The following KIF5A variants were observed in gnomAD, a reference collection of about 807,000 sequenced individuals.
The protein encoded by KIF5A is kinesin family member 5A.
Under a neutral mutation model 141.3 loss-of-function variants are expected in KIF5A, and 35 were observed. The ratio of observed to expected loss-of-function variants is 0.25; its 90% confidence interval spans 0.19 to 0.33. The LOEUF (loss-of-function observed/expected upper bound fraction) is 0.33, where lower values mean the gene tolerates loss of function less well. KIF5A is among the 10% of genes least tolerant of loss of function. The pLI is 1.00. For synonymous variants in KIF5A, 448 were observed against 500.2 expected, an observed-to-expected ratio of 0.90 and a Z score of 1.39; for missense variants, 861 against 1,314.3, an observed-to-expected ratio of 0.66 and a Z score of 5.33.
At chr12:57,554,120 G>A (rs1422226476) in intron 1 of KIF5A, among the ~76,000 whole-genome samples, 2 of 140,490 alleles carry the variant, frequency 1.4e-5, no homozygotes, top group Non-Finnish European at 1.6e-5. Flanking sequence ...GGAAGAAAAA[G>A]CCTTGATAAG....
chr12:57,555,151 A>G (rs1201364381), intron 1 of KIF5A, among the ~76,000 whole-genome samples: 5 of 152,100 alleles, frequency 3.3e-5, no homozygotes, highest in African/African-American at 4.8e-5. Flanking sequence ...TTTGCTAACT[A>G]TCTATATACT....
At chr12:57,554,945 G>C (rs369573129) in intron 1 of KIF5A, among the ~76,000 whole-genome samples, 24 of 152,264 alleles carry the variant, frequency 1.6e-4, no homozygotes, top group African/African-American at 5.1e-4. Context: ...TCCAACAATG[G>C]GGATCAAATG....
intron 1 of KIF5A, among the ~76,000 whole-genome samples, chr12:57,551,992 T>C (rs1363029849): frequency 6.6e-6 from 1 of 152,018 alleles, no homozygotes; most frequent in African/African-American, 2.4e-5. Flanking sequence ...TCAGTCTGGC[T>C]GGGCTAAAAA....
In KIF5A at chr12:57,567,491, C is replaced by G; in HGVS notation, c.590-3C>G. ...AGGTCCTGTTTCTCCCTTGCTCCTG[C>G]AGACATGAATGAACACAGCTCTCGG... On this transcript the variant is annotated splice_region_variant and splice_polypyrimidine_tract_variant and intron_variant, in intron 7 of 28. Coordinates refer to ENST00000455537, the MANE Select transcript of KIF5A (RefSeq NM_004984.4). 1.2e-6 allele frequency: 2 copies of G among 1,612,872 alleles called. No individual in the cohort carries two copies.
chr12:57,562,902 G>T (rs1436413319), intron 1 of KIF5A, among the ~76,000 whole-genome samples: 1 of 151,956 alleles, frequency 6.6e-6, no homozygotes, highest in Non-Finnish European at 1.5e-5. Flanking sequence ...CCACGACTAA[G>T]ATCCCCTAAC....
chr12:57,561,733 T>C (rs1344524186), intron 1 of KIF5A, among the ~76,000 whole-genome samples: 3 of 152,218 alleles, frequency 2.0e-5, no homozygotes, highest in African/African-American at 4.8e-5. Flanking sequence ...CCATGCAGGA[T>C]ACAAAATGAA....
At chr12:57,560,203 T>C (rs771202126) in intron 1 of KIF5A, among the ~76,000 whole-genome samples, 5 of 152,206 alleles carry the variant, frequency 3.3e-5, no homozygotes, top group Non-Finnish European at 5.9e-5. Flanking sequence ...GTTATGGCAT[T>C]ATTTTAAATA....
intron 24 of KIF5A, 93 bp from the exon 25 acceptor site, chr12:57,581,322 G>A: frequency 1.3e-6 from 2 of 1,568,392 alleles, no homozygotes; most frequent in East Asian, 2.2e-5. Flanking sequence ...TATGTTACAA[G>A]CAACTCAGTT....
chr12:57,570,098 C>A lies in KIF5A; in HGVS notation c.1229C>A (p.Ala410Glu). 1 of 1,614,154 alleles carries A rather than the reference C, an allele frequency of 6.2e-7. No individual in the cohort carries two copies. Among genetic ancestry groups the A allele is most frequent in the Non-Finnish European group, 8.5e-7 (1 of 1,180,022 alleles). The change falls in exon 12 of 29, where the codon GCG becomes GAG. Residue 410 changes from alanine (A) to glutamate (E), a missense_variant. Coordinates refer to ENST00000455537, the MANE Select transcript of KIF5A (RefSeq NM_004984.4). ...NDNSSIVVRIAPEERQKYEEE... is the reference protein window; with the variant it reads ...NDNSSIVVRIEPEERQKYEEE... ...AACTCATCCATCGTGGTGCGCATCG[C>A]GCCCGAGGAGCGGCAGAAATACGAG...
chr12:57,574,930 C>T (rs1008934703), intron 15 of KIF5A, among the ~76,000 whole-genome samples, 154 bp from the exon 16 acceptor site: 7 of 152,062 alleles, frequency 4.6e-5, no homozygotes, highest in African/African-American at 9.7e-5. Context: ...TGTGAAATGC[C>T]GCTGATAGAG....
chr12:57,569,226 T>C lies in KIF5A; in HGVS notation c.820-30T>C, dbSNP rs1324777730. 4 of 1,613,322 alleles carry C rather than the reference T, an allele frequency of 2.5e-6. No homozygotes were observed. In the African/African-American group the frequency reaches 5.3e-5, roughly 22 times the overall value. ...TCCCTGTTGAATTTTATTTGTTTATTTCTGATTCCTGGTCTCCTTCCTCCC... is the reference window on the plus strand; with the variant it reads ...TCCCTGTTGAATTTTATTTGTTTATCTCTGATTCCTGGTCTCCTTCCTCCC... On this transcript the variant is annotated intron_variant, in intron 9 of 28. Coordinates refer to ENST00000455537, the MANE Select transcript of KIF5A (RefSeq NM_004984.4).
chr12:57,577,686 C>T, intron 20 of KIF5A, 27 bp from the exon 21 acceptor site: 1 of 1,587,286 alleles, frequency 6.3e-7, no homozygotes, highest in Non-Finnish European at 8.7e-7. Context: ...AGGGATCTTT[C>T]CATTTCCCTT....
intron 1 of KIF5A, among the ~76,000 whole-genome samples, chr12:57,556,469 A>G (rs1315926576): frequency 1.3e-5 from 2 of 151,846 alleles, no homozygotes; most frequent in Non-Finnish European, 2.9e-5. Context: ...CTCAGATCTG[A>G]GAATCTCTTC....
chr12:57,550,065 C>T lies in KIF5A; in HGVS notation c.-207C>T, dbSNP rs1881517596. 1.6e-6 allele frequency: 1 copy of T among 608,246 alleles called. No homozygotes were observed. The highest frequency in any genetic ancestry group is 2.9e-6 in the Non-Finnish European group (1 of 344,722). The allele number at this position is 608,246 out of a possible 1,614,324, so 37.7% of individuals were successfully genotyped here. On this transcript the variant is annotated 5_prime_UTR_variant, in exon 1 of 29. The change creates a new upstream start codon in the 5' untranslated region. Coordinates refer to ENST00000455537, the MANE Select transcript of KIF5A (RefSeq NM_004984.4). The surrounding 1 kb of genome is among the most constrained non-coding windows in gnomAD (Gnocchi z 4.6). ...AGGCAGAGAGCCCGAAAGGACCAGA[C>T]GCCCAGGTCGCCCGCATCCCGCTGC...
intron 21 of KIF5A, 34 bp downstream of exon 21, chr12:57,577,807 A>T: frequency 6.4e-7 from 1 of 1,557,606 alleles, no homozygotes; most frequent in Non-Finnish European, 8.9e-7. Flanking sequence ...AATTCACAGG[A>T]CTGGGGAGTG....
intron 28 of KIF5A, among the ~76,000 whole-genome samples, chr12:57,583,840 C>T (rs540978661): frequency 4.6e-5 from 7 of 152,204 alleles, no homozygotes; most frequent in African/African-American, 1.7e-4. Context: ...AGCACAGGAA[C>T]CTTCTTTGTT....
In KIF5A at chr12:57,556,751, G is replaced by T. The variant is rs79395912; in HGVS notation, c.129+6351G>T. On this transcript the variant is annotated intron_variant, in intron 1 of 28. Transcript: ENST00000455537. Reference sequence around the variant, plus strand: ...GAGTTACATTTAATCCCCTTTGGCTGGGTGCCTGGCTTCATGAAGCATGGA... The same window carrying T: ...GAGTTACATTTAATCCCCTTTGGCTTGGTGCCTGGCTTCATGAAGCATGGA... Among the ~76,000 whole-genome samples the T allele has an allele frequency of 8.4e-3, 1,277 of 152,166 alleles. 48 individuals are homozygous for T. The highest frequency in any genetic ancestry group is 0.065 in the East Asian group (337 of 5,170).
Position 57,564,102 on chromosome 12 carries a change from C to A in KIF5A, c.292-6C>A. On this transcript the variant is annotated splice_region_variant and splice_polypyrimidine_tract_variant and intron_variant, in intron 3 of 28. Transcript: ENST00000455537. ...AGCTTCACTCTCAAATACCTTCACT[C>A]GCCAGGGAAAGCTGCACGACCCTCA... The A allele has an allele frequency of 6.2e-7, 1 of 1,609,692 alleles. No individual in the cohort carries two copies. Among genetic ancestry groups the A allele is most frequent in the South Asian group, 1.1e-5 (1 of 90,982 alleles).
chr12:57,575,267 T>A lies in KIF5A; in HGVS notation c.1900T>A (p.Ser634Thr), dbSNP rs1343792922. The change falls in exon 16 of 29, where the codon TCT becomes ACT. Residue 634 changes from serine to threonine, a missense_variant. Coordinates refer to ENST00000455537, the MANE Select transcript of KIF5A (RefSeq NM_004984.4). The stretch of plus-strand genomic sequence containing the variant: ...GCTCTCATCCTGCCAGCTCCTCATC[T>A]CTCAGGTGAGTGCCTAAGTTTGAGA... ...RELSSCQLLI[S>T]QHEAKIRSLT... 18 of 1,612,968 alleles carry A rather than the reference T, an allele frequency of 1.1e-5. No homozygotes were observed. Among genetic ancestry groups the A allele is most frequent in the African/African-American group, 1.3e-5 (1 of 74,998 alleles).
Sources: allele counts gnomAD v4.1 joint callset (sites outside exome capture counted in the v4.1 genomes callset), GRCh38; gene constraint gnomAD v4.1.1; non-coding constraint Gnocchi (gnomAD v3.1); transcripts MANE v1.5; gene names NCBI Gene and HGNC (gene_info 2026-07-23, HGNC 2026-07-21).